SLC43A2: variants seen among roughly 807,000 people sequenced by gnomAD.
The protein encoded by SLC43A2 is solute carrier family 43 member 2, also known as large neutral amino acids transporter small subunit 4.
Under a neutral mutation model 63.2 loss-of-function variants are expected in SLC43A2, and 38 were observed. That is an observed-to-expected ratio of 0.60 (90% confidence interval 0.46 to 0.79). SLC43A2 has a LOEUF of 0.79. Among genes scored for constraint, SLC43A2 ranks in the 30% least tolerant of loss-of-function variants. The pLI is 0.00. For synonymous variants in SLC43A2, 322 were observed against 331.0 expected (o/e 0.97, Z 0.30); for missense variants, 644 against 756.2 (o/e 0.85, Z 1.74).
chr17:1,606,684 G>A lies in SLC43A2; in HGVS notation c.501+6511C>T, dbSNP rs1401524771. ...CGAGTGCAAAGGGCTGTACAAACGC[G>A]AGGCACTGAACAAACACTGAGCGTG... On this transcript the variant is annotated intron_variant, in intron 5 of 13. Transcript: ENST00000301335. This position sits in a 1 kb window ranked among gnomAD's most constrained non-coding sequence, Gnocchi z 4.7. Among the ~76,000 whole-genome samples the A allele has an allele frequency of 1.3e-5, 2 of 152,242 alleles. No homozygotes were observed. The highest frequency in any genetic ancestry group is 2.4e-5 in the African/African-American group (1 of 41,466).
intron 2 of SLC43A2, among the ~76,000 whole-genome samples, chr17:1,626,597 C>T (rs1229352796): frequency 6.6e-6 from 1 of 152,142 alleles, no homozygotes; most frequent in Non-Finnish European, 1.5e-5. Flanking sequence ...CAGGAATCTC[C>T]GGGGCAGATC....
chr17:1,619,594 C>T (rs1176942535), intron 2 of SLC43A2, among the ~76,000 whole-genome samples: 1 of 152,220 alleles, frequency 6.6e-6, no homozygotes, highest in East Asian at 1.9e-4. Context: ...GTCATGTACA[C>T]CGCCACAGCC....
chr17:1,615,613 G>A (rs1410434857), intron 3 of SLC43A2, among the ~76,000 whole-genome samples: 1 of 150,296 alleles, frequency 6.7e-6, no homozygotes, highest in African/African-American at 2.4e-5. Context: ...GGAGGCCGAG[G>A]CGGGCAGATC....
chr17:1,594,671 T>G (rs1477893125), intron 5 of SLC43A2, among the ~76,000 whole-genome samples: 1 of 143,626 alleles, frequency 7.0e-6, no homozygotes, highest in Non-Finnish European at 1.5e-5. Flanking sequence ...CACTGCAAGC[T>G]CCGCCTCCCA....
At position 1,606,712 on chromosome 17, in the gene SLC43A2, G is replaced by A. The variant is rs948255572; in HGVS notation, c.501+6483C>T. On this transcript the variant is annotated intron_variant, in intron 5 of 13. Coordinates refer to ENST00000301335, the MANE Select transcript of SLC43A2 (RefSeq NM_152346.3). This position sits in a 1 kb window ranked among gnomAD's most constrained non-coding sequence, Gnocchi z 4.7. ...GCACTGAACAAACACTGAGCGTGCC[G>A]TCCAGATGTCCCGGGGGAGGCTGAG... 5.3e-5 allele frequency among the ~76,000 whole-genome samples: 8 copies of A among 152,334 alleles called. No individual in the cohort carries two copies. Among genetic ancestry groups the A allele is most frequent in the African/African-American group, 1.4e-4 (6 of 41,584 alleles).
intron 5 of SLC43A2, among the ~76,000 whole-genome samples, chr17:1,597,349 G>A (rs535257834): frequency 6.7e-6 from 1 of 149,554 alleles, no homozygotes; most frequent in African/African-American, 2.5e-5. Flanking sequence ...CTAAAAAAAT[G>A]CAAAAATTAG....
In SLC43A2 at chr17:1,569,446, C is replaced by T. The variant is rs1418778486; in HGVS notation, c.*6158G>A. 1.3e-5 allele frequency: 2 copies of T among 152,244 alleles called. No individual in the cohort carries two copies. The highest frequency in any genetic ancestry group is 4.8e-5 in the African/African-American group (2 of 41,444). The allele number at this position is 152,244 out of a possible 1,614,324, so 9.4% of individuals were successfully genotyped here. A position where few individuals can be genotyped will look rare whatever the true frequency, so the allele number is the denominator to read the frequency against. ...GGGCCTGGGCGGGGTCTTGGGGCCG[C>T]TCCTGCCCAGGTGTTCTTTCCAGCA... On this transcript the variant is annotated 3_prime_UTR_variant, in exon 14 of 14. Transcript: ENST00000301335.
chr17:1,611,817 T>C lies in SLC43A2; in HGVS notation c.501+1378A>G, dbSNP rs79401302. On this transcript the variant is annotated intron_variant, in intron 5 of 13. Transcript: ENST00000301335. ...TAAACTGATGCAGGCGAGGTTTCCT[T>C]GATGGACAGAAGCCTCTCTGAAGAA... 8.5e-3 allele frequency among the ~76,000 whole-genome samples: 1,297 copies of C among 152,272 alleles called. 36 individuals carry two copies. In the East Asian group the frequency reaches 0.086, roughly 10 times the overall value.
At chr17:1,585,567 G>C (rs1183782858) in intron 10 of SLC43A2, 2 of 823,420 alleles carry the variant, frequency 2.4e-6, no homozygotes, top group Non-Finnish European at 3.4e-6. Flanking sequence ...TTTTTGTAGA[G>C]ACGGGGAGTG....
chr17:1,611,867 A>G (rs994000778), intron 5 of SLC43A2, among the ~76,000 whole-genome samples: 12 of 152,088 alleles, frequency 7.9e-5, no homozygotes, highest in Non-Finnish European at 1.0e-4. Context: ...TTCTTTCCCA[A>G]TGGCCAGCTC....
rs1340665944 is a variant in SLC43A2, at chr17:1,578,273, A to G, written c.1401T>C (p.Ala467=). ...ACACGGCAGCGTACAGGCCCCCGACAGCGGAGTGGATGAATCCTCGCACGA... is the reference window on the plus strand; with the variant it reads ...ACACGGCAGCGTACAGGCCCCCGACGGCGGAGTGGATGAATCCTCGCACGA... ...HTIVRGFIHS[A]VGGLYAAVYP... The change falls in exon 12 of 14, where the codon GCT becomes GCC. Residue 467 remains alanine (A), a synonymous_variant. Transcript: ENST00000301335. This position sits in a 1 kb window ranked among gnomAD's most constrained non-coding sequence, Gnocchi z 6.5. The G allele has an allele frequency of 2.5e-6, 4 of 1,613,990 alleles. No homozygotes were observed. The Admixed American group carries it at 6.7e-5, about 27-fold the overall frequency.
chr17:1,593,337 A>G lies in SLC43A2; in HGVS notation c.502-58T>C. 6.6e-7 allele frequency: 1 copy of G among 1,507,250 alleles called. No individual in the cohort carries two copies. Among genetic ancestry groups the G allele is most frequent in the Non-Finnish European group, 9.2e-7 (1 of 1,092,666 alleles). The allele number at this position is 1,507,250 out of a possible 1,614,324, so 93.4% of individuals were successfully genotyped here. ...GGAGGATGCACCAGGGAAGGGGAGG[A>G]GGAGGGGACAGAGAACTAGGCCCCA... On this transcript the variant is annotated intron_variant, in intron 5 of 13. Coordinates refer to ENST00000301335, the MANE Select transcript of SLC43A2 (RefSeq NM_152346.3). The surrounding 1 kb of genome is among the most constrained non-coding windows in gnomAD (Gnocchi z 5.3).
At chr17:1,586,479 G>A (rs555097325) in intron 9 of SLC43A2, among the ~76,000 whole-genome samples, 38 of 152,192 alleles carry the variant, frequency 2.5e-4, no homozygotes, top group Non-Finnish European at 5.1e-4. Flanking sequence ...GGCGGATCAC[G>A]AGGTCAGGAG....
rs189922972 is a variant in SLC43A2 at position 1,576,933 on chromosome 17, C to T, written c.1425-213G>A. Among the ~76,000 whole-genome samples the T allele has an allele frequency of 4.1e-3, 614 of 151,132 alleles. 5 individuals carry two copies. The highest frequency in any genetic ancestry group is 4.6e-3 in the Non-Finnish European group (309 of 67,850). On this transcript the variant is annotated intron_variant, in intron 12 of 13. Transcript: ENST00000301335. ...GGGCTGGAGTGCAATGACACGATCT[C>T]GGCTCACTGCAACCTCCGCCTCCCC...
chr17:1,616,776 G>A lies in SLC43A2; in HGVS notation c.161-7C>T. 6.2e-7 allele frequency: 1 copy of A among 1,613,402 alleles called. No homozygotes were observed. Among genetic ancestry groups the A allele is most frequent in the Non-Finnish European group, 8.5e-7 (1 of 1,179,988 alleles). ...GTGCCATTGGTGACATTCTCTGTGT[G>A]AAGAGGGAAGGAAACCCTGACCTCA... On this transcript the variant is annotated splice_region_variant and splice_polypyrimidine_tract_variant and intron_variant, in intron 2 of 13. Coordinates refer to ENST00000301335, the MANE Select transcript of SLC43A2 (RefSeq NM_152346.3).
Position 1,583,088 on chromosome 17 carries a change from A to G in SLC43A2, c.1350+116T>C. On this transcript the variant is annotated intron_variant, in intron 11 of 13. Transcript: ENST00000301335. The surrounding 1 kb of genome is among the most constrained non-coding windows in gnomAD (Gnocchi z 5.5). ...AGTTTGACTCTGTCTCAAAAAAATA[A>G]AGAAAGTCATCCGCTTTGTTGATGG... 9.1e-7 allele frequency: 1 copy of G among 1,099,338 alleles called. No individual in the cohort carries two copies. The highest frequency in any genetic ancestry group is 1.4e-5 in the South Asian group (1 of 70,074). The allele number at this position is 1,099,338 out of a possible 1,614,324, so 68.1% of individuals were successfully genotyped here.
chr17:1,625,328 A>G (rs960202165), intron 2 of SLC43A2, among the ~76,000 whole-genome samples: 2 of 152,222 alleles, frequency 1.3e-5, no homozygotes, highest in Non-Finnish European at 2.9e-5. Context: ...CTGGAGTCGT[A>G]AGAAAGAGTT....
chr17:1,595,350 C>G (rs2151051233), intron 5 of SLC43A2, among the ~76,000 whole-genome samples: 1 of 152,000 alleles, frequency 6.6e-6, no homozygotes, highest in African/African-American at 2.4e-5. Flanking sequence ...GTAATGCAAT[C>G]ATAGCTCACT....
At chr17:1,612,403 T>C (rs1907202551) in intron 5 of SLC43A2, among the ~76,000 whole-genome samples, 2 of 152,016 alleles carry the variant, frequency 1.3e-5, no homozygotes, top group African/African-American at 4.8e-5. Context: ...CAGGCGACTG[T>C]CTGTGCCCGG....
Sources: allele counts gnomAD v4.1 joint callset (sites outside exome capture counted in the v4.1 genomes callset), GRCh38; gene constraint gnomAD v4.1.1; non-coding constraint Gnocchi (gnomAD v3.1); transcripts MANE v1.5; gene names NCBI Gene and HGNC (gene_info 2026-07-23, HGNC 2026-07-21).